TRPV3: variants seen among roughly 807,000 people sequenced by gnomAD.
The protein encoded by TRPV3 is transient receptor potential cation channel subfamily V member 3.
In TRPV3, 88 loss-of-function variants were observed where a neutral mutation model predicts 87.1. That is an observed-to-expected ratio of 1.01 (90% CI 0.85 to 1.21). The LOEUF is 1.21. TRPV3 is among the 50% of genes most tolerant of loss of function. The pLI, the probability that TRPV3 is intolerant of heterozygous loss-of-function variation, is 0.00. For synonymous variants in TRPV3, 438 were observed against 423.3 expected, an observed-to-expected ratio of 1.03 and a Z score of -0.43; for missense variants, 1,054 against 1,030.1, an observed-to-expected ratio of 1.02 and a Z score of -0.32.
chr17:3,556,198 A>T lies in TRPV3; in HGVS notation c.-2-1346T>A, dbSNP rs977155566. ...TCTCAAAAAAAATGAAAAAAAAAAA[A>T]AATAAAGTTTTTATTAAACATAAAA... On this transcript the variant is annotated intron_variant, in intron 1 of 17. Coordinates refer to ENST00000576742, the MANE Select transcript of TRPV3 (RefSeq NM_145068.4). The surrounding 1 kb of genome is among the most constrained non-coding windows in gnomAD (Gnocchi z 4.2). 6.8e-6 allele frequency among the ~76,000 whole-genome samples: 1 copy of T among 147,736 alleles called. No individual in the cohort carries two copies. Among genetic ancestry groups the T allele is most frequent in the African/African-American group, 2.6e-5 (1 of 37,738 alleles).
chr17:3,527,527 C>T (rs113070154), intron 11 of TRPV3, among the ~76,000 whole-genome samples: 2 of 152,198 alleles, frequency 1.3e-5, no homozygotes, highest in Admixed American at 6.5e-5. Context: ...CCTGTCACCT[C>T]CTCCAGGGCC....
chr17:3,542,147 G>C (rs1291662301), intron 6 of TRPV3, among the ~76,000 whole-genome samples: 2 of 152,094 alleles, frequency 1.3e-5, no homozygotes, highest in African/African-American at 4.8e-5. Context: ...AGTAGAGACG[G>C]GGTTTCACCA....
intron 11 of TRPV3, among the ~76,000 whole-genome samples, chr17:3,527,412 A>C (rs2074309401): frequency 6.6e-6 from 1 of 152,134 alleles, no homozygotes; most frequent in African/African-American, 2.4e-5. Flanking sequence ...ACTGATCTGA[A>C]CCCAGCTTAG....
At chr17:3,527,107 G>A (rs1272424806) in intron 11 of TRPV3, among the ~76,000 whole-genome samples, 180 bp from the exon 12 acceptor site, 4 of 152,078 alleles carry the variant, frequency 2.6e-5, no homozygotes, top group East Asian at 3.9e-4. Context: ...GCACCTCCAC[G>A]GTGAAGGTGA....
At chr17:3,554,437 A>C in intron 2 of TRPV3, 1 of 308,150 alleles carries the variant, frequency 3.2e-6, no homozygotes, top group African/African-American at 2.2e-5. Context: ...GGCTCCAGCC[A>C]TCCCTCACCT....
chr17:3,524,198 C>T lies in TRPV3; in HGVS notation c.1743G>A (p.Lys581=). 1 of 1,613,888 alleles carries T rather than the reference C, an allele frequency of 6.2e-7. No homozygotes were observed. The change falls in exon 13 of 18, where the codon AAG becomes AAA. Residue 581 remains lysine (K), a splice_region_variant and synonymous_variant. Transcript: ENST00000576742. ...SMGMYSVMIQ[K]VILHDVLKFL... is the part of the protein sequence containing the mutation. ...CCCGCCGGCGCAGCTCTCAACGCAC[C>T]TTCTGGATCATGACGCTGTACATGC... is the stretch of plus-strand genomic sequence containing the variant.
At chr17:3,524,401 T>C (rs995520690) in intron 12 of TRPV3, 38 bp from the exon 13 acceptor site, 13 of 1,610,296 alleles carry the variant, frequency 8.1e-6, no homozygotes, top group Non-Finnish European at 8.5e-6. Context: ...CCTTACTTAC[T>C]TCTCAGCATC....
chr17:3,544,990 G>A (rs2074510363), intron 3 of TRPV3, among the ~76,000 whole-genome samples, 177 bp downstream of exon 3: 1 of 152,122 alleles, frequency 6.6e-6, no homozygotes, highest in South Asian at 2.1e-4. Flanking sequence ...CTCCAGCCTG[G>A]GCAACAGAGC....
intron 6 of TRPV3, among the ~76,000 whole-genome samples, chr17:3,541,967 T>A (rs1357264928): frequency 6.6e-6 from 1 of 152,250 alleles, no homozygotes; most frequent in Non-Finnish European, 1.5e-5. Flanking sequence ...CTTTACTTAT[T>A]TATTTATTTT....
rs1200790134 is a variant in TRPV3 at position 3,556,196 on chromosome 17, A to AAT, written c.-2-1345_-2-1344insAT. 3.3e-5 allele frequency among the ~76,000 whole-genome samples: 5 copies of AAT among 151,702 alleles called. No individual in the cohort carries two copies. In the South Asian group the frequency reaches 6.3e-4, roughly 19 times the overall value. On this transcript the variant is annotated intron_variant, in intron 1 of 17. Transcript: ENST00000576742. This position sits in a 1 kb window ranked among gnomAD's most constrained non-coding sequence, Gnocchi z 4.2. ...CGTCTCAAAAAAAATGAAAAAAAAA[A>AAT]AAAATAAAGTTTTTATTAAACATAA...
At chr17:3,550,211 T>A (rs2150806777) in intron 2 of TRPV3, among the ~76,000 whole-genome samples, 1 of 152,250 alleles carries the variant, frequency 6.6e-6, no homozygotes, top group South Asian at 2.1e-4. Context: ...GCTTAAAGCC[T>A]TTACCTCTCC....
intron 8 of TRPV3, among the ~76,000 whole-genome samples, chr17:3,531,876 C>T (rs561495677): frequency 6.6e-6 from 1 of 152,330 alleles, no homozygotes; most frequent in African/African-American, 2.4e-5. Flanking sequence ...CCAAGGCCCT[C>T]GGGGCAGCTG....
At chr17:3,544,864 A>T (rs963951220) in intron 3 of TRPV3, among the ~76,000 whole-genome samples, 199 bp from the exon 4 acceptor site, 8 of 152,144 alleles carry the variant, frequency 5.3e-5, no homozygotes, top group Admixed American at 5.2e-4. Context: ...AAATACAACA[A>T]CTAGCCAGGC....
At position 3,513,907 on chromosome 17, in the gene TRPV3, G is replaced by A; in HGVS notation, c.*10C>T. 3 of 1,612,586 alleles carry A rather than the reference G, an allele frequency of 1.9e-6. No homozygotes were observed. Among genetic ancestry groups the A allele is most frequent in the South Asian group, 2.2e-5 (2 of 91,026 alleles). On this transcript the variant is annotated 3_prime_UTR_variant, in exon 18 of 18. Coordinates refer to ENST00000576742, the MANE Select transcript of TRPV3 (RefSeq NM_145068.4). ...ACAGCGCACGCGCACACCAGCTCTG[G>A]GTTCCGCTTCTACACCGAGGTTTCC...
In TRPV3 at chr17:3,513,788, G is replaced by A; in HGVS notation, c.*129C>T. 5 of 736,798 alleles carry A rather than the reference G, an allele frequency of 6.8e-6. No homozygotes were observed. The highest frequency in any genetic ancestry group is 6.5e-4 in the Middle Eastern group (2 of 3,070). 45.6% of individuals were successfully genotyped at this position (736,798 alleles called of 1,614,324 possible). A position where few individuals can be genotyped will look rare whatever the true frequency, so the allele number is the denominator to read the frequency against. Reference sequence around the variant, plus strand: ...CAGACACCCACTGAGCACTGAGCACGAGGGTGCACTCTGCTTCTAGGCCAG... The same window carrying A: ...CAGACACCCACTGAGCACTGAGCACAAGGGTGCACTCTGCTTCTAGGCCAG... On this transcript the variant is annotated 3_prime_UTR_variant, in exon 18 of 18. Coordinates refer to ENST00000576742, the MANE Select transcript of TRPV3 (RefSeq NM_145068.4).
intron 2 of TRPV3, chr17:3,553,802 C>A (rs1045832141): frequency 6.6e-6 from 1 of 152,366 alleles, no homozygotes; most frequent in Non-Finnish European, 1.5e-5. Flanking sequence ...GGGGCTGGTA[C>A]ACAGGACACC....
chr17:3,530,188 G>T lies in TRPV3; in HGVS notation c.1081C>A (p.Leu361Ile). 6.2e-7 allele frequency: 1 copy of T among 1,612,702 alleles called. No individual in the cohort carries two copies. Among genetic ancestry groups the T allele is most frequent in the Non-Finnish European group, 8.5e-7 (1 of 1,179,168 alleles). Reference protein sequence around the residue: ...MGKAEILKYILSREIKEKRLR... With the variant: ...MGKAEILKYIISREIKEKRLR... The stretch of plus-strand genomic sequence containing the variant: ...CGCTTCTCCTTGATCTCACGACTGA[G>T]GATGTACTTCAGGATCTGGGACAGG... Residue 361 changes from leucine (L) to isoleucine (I), a missense_variant, in exon 9 of 18, where the codon CTC becomes ATC. Leu to Ile is a conservative substitution (Grantham distance 5). Transcript: ENST00000576742. This position sits in a 1 kb window ranked among gnomAD's most constrained non-coding sequence, Gnocchi z 4.0.
chr17:3,525,263 AC>A (rs1306681726), intron 12 of TRPV3, among the ~76,000 whole-genome samples: 8 of 152,108 alleles, frequency 5.3e-5, no homozygotes, highest in Non-Finnish European at 7.4e-5. Flanking sequence ...CAGGTGATCC[AC>A]CCACCTCGGC....
intron 2 of TRPV3, 33 bp from the exon 3 acceptor site, chr17:3,545,304 G>T (rs147510969): frequency 2.1e-5 from 32 of 1,495,916 alleles, no homozygotes; most frequent in Non-Finnish European, 2.5e-5. Flanking sequence ...TGTTAGGGCC[G>T]AGCCAGGCAG....
Sources: gnomAD v4.1 joint callset for allele counts (sites outside exome capture counted in the v4.1 genomes callset) on GRCh38, gnomAD v4.1.1 for gene constraint, Gnocchi (gnomAD v3.1) non-coding constraint, MANE v1.5 for transcripts, NCBI Gene and HGNC (gene_info 2026-07-23, HGNC 2026-07-21) for gene names.